Variants in TRIQK observed in about 807,000 individuals in gnomAD.
TRIQK encodes triple QxxK/R motif-containing protein.
TRIQK carries 10 observed loss-of-function variants against 10.8 expected under a neutral mutation model. The observed-to-expected ratio is 0.92, with a 90% CI of 0.57 to 1.57. The LOEUF (loss-of-function observed/expected upper bound fraction) is 1.57. TRIQK is among the 40% of genes most tolerant of loss of function. The probability of loss-of-function intolerance (pLI) is 0.00; values close to 1 mark genes in which losing one functional copy is unlikely to be tolerated. For synonymous variants in TRIQK, 33 were observed against 33.7 expected (o/e 0.98, Z 0.07); for missense variants, 107 against 97.7 (o/e 1.09, Z -0.40).
intron 3 of TRIQK, among the ~76,000 whole-genome samples, chr8:92,905,941 T>G (rs917144766): frequency 1.3e-5 from 2 of 152,180 alleles, no homozygotes; most frequent in African/African-American, 4.8e-5. Flanking sequence ...GGCCTGAGCT[T>G]CCAGTCATGA....
At chr8:92,935,622 T>TA (rs1810947029) in intron 2 of TRIQK, among the ~76,000 whole-genome samples, 1 of 151,240 alleles carries the variant, frequency 6.6e-6, no homozygotes, top group Non-Finnish European at 1.5e-5. Context: ...TAATTAAATT[T>TA]AAAAAACAGA....
chr8:92,911,351 C>T (rs943024795), intron 3 of TRIQK, among the ~76,000 whole-genome samples: 3 of 150,506 alleles, frequency 2.0e-5, no homozygotes, highest in African/African-American at 4.9e-5. Context: ...TGATACCAAG[C>T]GAGGAAGAGA....
chr8:92,961,304 C>G (rs1438503844), intron 1 of TRIQK, among the ~76,000 whole-genome samples: 1 of 152,000 alleles, frequency 6.6e-6, no homozygotes, highest in Non-Finnish European at 1.5e-5. Flanking sequence ...AGAAAATGAA[C>G]TCCCTAGGAA....
At chr8:92,887,989 A>AT (rs1563607569) in intron 4 of TRIQK, among the ~76,000 whole-genome samples, 2 of 151,636 alleles carry the variant, frequency 1.3e-5, no homozygotes, top group Admixed American at 6.6e-5. Context: ...AGGAAAGTGA[A>AT]TTTTTTCTTT....
chr8:92,899,688 T>C (rs1159064192), intron 3 of TRIQK, among the ~76,000 whole-genome samples: 1 of 152,220 alleles, frequency 6.6e-6, no homozygotes, highest in Non-Finnish European at 1.5e-5. Context: ...TCTTGGCTAC[T>C]GTGAATAGTG....
intron 2 of TRIQK, among the ~76,000 whole-genome samples, chr8:92,932,917 CTTTAT>C (rs1350416849): frequency 2.0e-5 from 3 of 152,030 alleles, no homozygotes; most frequent in African/African-American, 7.2e-5. Context: ...TTAAGAACCT[CTTTAT>C]TTTCTGACAC....
intron 2 of TRIQK, among the ~76,000 whole-genome samples, chr8:92,917,978 A>G: frequency 6.6e-6 from 1 of 151,898 alleles, no homozygotes; most frequent in African/African-American, 2.4e-5. Context: ...AAAAAGCAAT[A>G]TTTGTCTTTC....
intron 3 of TRIQK, among the ~76,000 whole-genome samples, chr8:92,911,293 T>C (rs921638763): frequency 1.3e-5 from 2 of 150,592 alleles, no homozygotes; most frequent in African/African-American, 4.9e-5. Context: ...AAGAGATAAA[T>C]AGAAAGAATC....
intron 2 of TRIQK, among the ~76,000 whole-genome samples, chr8:92,929,319 G>A (rs34274528): frequency 0.031 from 4,793 of 152,194 alleles, 81 homozygotes; most frequent in South Asian, 0.071. Flanking sequence ...GGTGGCTGAC[G>A]AGGGTGGAGG....
Position 93,012,208 on chromosome 8 carries a change from T to C in TRIQK, c.-181+5401A>G, listed in dbSNP as rs1157442480. ...CTCCTGTAAGTCTTCAGGCAGAAAC[T>C]TTGTTGAAAGGGTAAATATTTGTTC... On this transcript the variant is annotated intron_variant, in intron 1 of 4. Transcript: ENST00000520686. Among the ~76,000 whole-genome samples the C allele has an allele frequency of 4.6e-5, 7 of 152,294 alleles. No homozygotes were observed. In the East Asian group the frequency reaches 5.8e-4, roughly 13 times the overall value.
At chr8:92,892,229 A>C (rs530175273) in intron 3 of TRIQK, among the ~76,000 whole-genome samples, 155 bp from the exon 4 acceptor site, 1 of 152,078 alleles carries the variant, frequency 6.6e-6, no homozygotes, top group African/African-American at 2.4e-5. Flanking sequence ...TGTCACCAAA[A>C]GGTCAACTTT....
At chr8:92,963,725 C>T (rs1812572323) in intron 1 of TRIQK, 1 of 152,034 alleles carries the variant, frequency 6.6e-6, no homozygotes, top group African/African-American at 2.4e-5. Flanking sequence ...GAAACCCCGT[C>T]TGTACTAAAA....
chr8:92,993,137 C>T (rs574116926), intron 1 of TRIQK, among the ~76,000 whole-genome samples: 2 of 152,272 alleles, frequency 1.3e-5, no homozygotes, highest in East Asian at 3.9e-4. Flanking sequence ...ATTGGTAAGG[C>T]TCCAGGATCA....
At chr8:92,960,238 C>A (rs1812383933) in intron 1 of TRIQK, among the ~76,000 whole-genome samples, 1 of 151,952 alleles carries the variant, frequency 6.6e-6, no homozygotes, top group African/African-American at 2.4e-5. Context: ...ATCTTCTTGT[C>A]TCTTTTTCAG....
chr8:92,958,330 C>T lies in TRIQK; in HGVS notation c.-180-3766G>A, dbSNP rs577595349. Among the ~76,000 whole-genome samples, 203 of 152,064 alleles carry T rather than the reference C, an allele frequency of 1.3e-3. 1 individual carries two copies. The highest frequency in any genetic ancestry group is 4.7e-3 in the African/African-American group (194 of 41,524). On this transcript the variant is annotated intron_variant, in intron 1 of 4. Coordinates refer to ENST00000521988, the MANE Select transcript of TRIQK (RefSeq NM_001171797.2). ...TTCAAGACCCCATTTCAATCAATTA[C>T]GTACTTTCTCTGTACAAGTCACCTA... is the stretch of plus-strand genomic sequence containing the variant.
chr8:93,017,535 A>T (rs1813397451), intron 1 of TRIQK: 1 of 152,218 alleles, frequency 6.6e-6, no homozygotes, highest in African/African-American at 2.4e-5. Flanking sequence ...CAGTACCATG[A>T]TTCCCACCGG....
chr8:92,909,643 A>G (rs1016677672), intron 3 of TRIQK, among the ~76,000 whole-genome samples: 3 of 151,878 alleles, frequency 2.0e-5, no homozygotes, highest in Admixed American at 1.3e-4. Flanking sequence ...ACAAGCACTA[A>G]GCTTAGAGCT....
At chr8:92,970,860 A>G (rs1447688129), upstream of TRIQK, among the ~76,000 whole-genome samples, 1 of 152,096 alleles carries the variant, frequency 6.6e-6, no homozygotes, top group African/African-American at 2.4e-5. Flanking sequence ...TTTGTCATGA[A>G]ATCTTTGCCC....
intron 1 of TRIQK, among the ~76,000 whole-genome samples, chr8:92,976,571 T>C (rs982894732): frequency 3.3e-5 from 5 of 151,984 alleles, no homozygotes; most frequent in Non-Finnish European, 7.4e-5. Context: ...TTGAGTCTTG[T>C]TTTTTAAAAT....
Sources: allele counts gnomAD v4.1 joint callset (sites outside exome capture counted in the v4.1 genomes callset), GRCh38; gene constraint gnomAD v4.1.1; transcripts MANE v1.5; gene names NCBI Gene and HGNC (gene_info 2026-07-23, HGNC 2026-07-21).